The following TPTE2 variants were observed in gnomAD, a reference collection of about 807,000 sequenced individuals.
The protein encoded by TPTE2 is transmembrane phosphoinositide 3-phosphatase and tensin homolog 2, also known as phosphatidylinositol 3,4,5-trisphosphate 3-phosphatase TPTE2.
In TPTE2, 53 loss-of-function variants were observed where a neutral mutation model predicts 78.6. The observed-to-expected ratio is 0.67, with a 90% CI of 0.54 to 0.85. The LOEUF is 0.85. Among genes scored for constraint, TPTE2 ranks in the 40% least tolerant of loss-of-function variants. The pLI, the probability that TPTE2 is intolerant of heterozygous loss-of-function variation, is 0.00. For synonymous variants in TPTE2, 175 were observed against 206.2 expected (o/e 0.85, Z 1.30); for missense variants, 461 against 623.0 (o/e 0.74, Z 2.77).
chr13:19,496,272 T>C (rs1881306605), intron 1 of TPTE2, among the ~76,000 whole-genome samples: 1 of 152,256 alleles, frequency 6.6e-6, no homozygotes, highest in African/African-American at 2.4e-5. Flanking sequence ...TCATACTTTA[T>C]ATGACTGCAA....
At chr13:19,560,753 G>A in the TPTE2 span, 1 of 1,476,806 alleles carries the variant, frequency 6.8e-7, no homozygotes, top group Non-Finnish European at 9.3e-7. Flanking sequence ...GGCCCAGCAG[G>A]GAAGGCGCCC....
At chr13:19,485,020 T>G (rs1224095671) in intron 3 of TPTE2, among the ~76,000 whole-genome samples, 2 of 152,186 alleles carry the variant, frequency 1.3e-5, no homozygotes, top group Non-Finnish European at 2.9e-5. Context: ...CAACATTTTA[T>G]TGTTTTCTGG....
chr13:19,443,229 GTTTACCAGTTAA>G (rs1375024038), intron 13 of TPTE2, among the ~76,000 whole-genome samples: 1 of 151,086 alleles, frequency 6.6e-6, no homozygotes, highest in Admixed American at 6.6e-5. Flanking sequence ...AAACATGTTG[GTTTACCAGTTAA>G]TCAATGTAAT....
At chr13:19,451,208 T>C (rs1878158420) in exon 11 of TPTE2, 1 of 1,613,538 alleles carries the variant, frequency 6.2e-7, no homozygotes, top group South Asian at 1.1e-5. Flanking sequence ...GTTTCTTATC[T>C]AGAAACCGCA....
chr13:19,532,209 T>C (rs1870927678), intron 1 of TPTE2, among the ~76,000 whole-genome samples: 1 of 152,192 alleles, frequency 6.6e-6, no homozygotes, highest in African/African-American at 2.4e-5. Flanking sequence ...ACAGTCTGAT[T>C]AAATGCTTGT....
intron 10 of TPTE2, among the ~76,000 whole-genome samples, chr13:19,460,218 G>A (rs867129829): frequency 2.6e-5 from 4 of 152,188 alleles, no homozygotes; most frequent in Non-Finnish European, 4.4e-5. Flanking sequence ...GGGATCTCTT[G>A]ATCCATGGCT....
In TPTE2 at chr13:19,453,538, C is replaced by CATATATATATATATATATATAT. The variant is rs56140648; in HGVS notation, c.742-2335_742-2314dup. Among the ~76,000 whole-genome samples, 97 of 140,138 alleles carry CATATATATATATATATATATAT rather than the reference C, an allele frequency of 6.9e-4. 1 individual carries two copies. The highest frequency in any genetic ancestry group is 2.2e-3 in the African/African-American group (78 of 34,890). 91.9% of individuals were successfully genotyped at this position (140,138 alleles called of 152,430 possible). A position where few individuals can be genotyped will look rare whatever the true frequency, so the allele number is the denominator to read the frequency against. On this transcript the variant is annotated intron_variant, in intron 10 of 19. Coordinates refer to ENST00000400230, the Ensembl canonical transcript of TPTE2. ...TGATATATATATATCATTTTATAATCATATATATATATATATATATATATA... is the reference window on the plus strand; with the variant it reads ...TGATATATATATATCATTTTATAATCATATATATATATATATATATATATATATATATATATATATATATATA...
chr13:19,435,266 T>A (rs1286556388), intron 15 of TPTE2, among the ~76,000 whole-genome samples: 2 of 152,202 alleles, frequency 1.3e-5, no homozygotes, highest in Admixed American at 6.5e-5. Flanking sequence ...TATGAAGGAT[T>A]TTTAAGGTAT....
exon 8 of TPTE2, chr13:19,465,510 A>G (rs1231558076): frequency 6.2e-7 from 1 of 1,610,718 alleles, no homozygotes; most frequent in Admixed American, 1.7e-5. Flanking sequence ...GATGAAGCAG[A>G]TGAAAAATTC....
chr13:19,438,275 C>T, intron 13 of TPTE2, 122 bp from the exon 17 acceptor site: 1 of 1,377,530 alleles, frequency 7.3e-7, no homozygotes, highest in Non-Finnish European at 9.5e-7. Flanking sequence ...CTTGCTGTGT[C>T]ACGCAGGCTG....
chr13:19,479,772 G>A (rs1231125680), intron 4 of TPTE2, among the ~76,000 whole-genome samples: 9 of 152,124 alleles, frequency 5.9e-5, no homozygotes, highest in Middle Eastern at 3.4e-3. Flanking sequence ...GACCATCCTG[G>A]CCAACATGGT....
At chr13:19,538,208 T>C (rs1177552737), upstream of TPTE2, among the ~76,000 whole-genome samples, 1 of 152,146 alleles carries the variant, frequency 6.6e-6, no homozygotes, top group Non-Finnish European at 1.5e-5. Context: ...TATTCTCCTG[T>C]ATTTTGCTTC....
intron 1 of TPTE2, among the ~76,000 whole-genome samples, chr13:19,510,095 A>T (rs1228525127): frequency 6.6e-6 from 1 of 152,224 alleles, no homozygotes; most frequent in Non-Finnish European, 1.5e-5. Context: ...AGAATGAAGA[A>T]CAACAATGCC....
the TPTE2 span, chr13:19,560,962 G>A: frequency 1.3e-6 from 2 of 1,594,824 alleles, no homozygotes; most frequent in South Asian, 2.3e-5. Context: ...AGAAGGCTTT[G>A]CAGTCCTCAC....
In TPTE2 at chr13:19,467,594, T is replaced by A. The variant is rs1471032463; in HGVS notation, c.393-250A>T. Among the ~76,000 whole-genome samples, 3 of 152,266 alleles carry A rather than the reference T, an allele frequency of 2.0e-5. No individual in the cohort carries two copies. The South Asian group carries it at 6.2e-4, about 32-fold the overall frequency. The stretch of plus-strand genomic sequence containing the variant: ...CACCAACATGGCAATTCAAACATAA[T>A]AAGAGATATAACTAAATGTGTAATA... On this transcript the variant is annotated intron_variant, in intron 6 of 19. Transcript: ENST00000400230.
intron 5 of TPTE2, 45 bp downstream of exon 8, chr13:19,475,528 G>A: frequency 6.3e-7 from 1 of 1,595,842 alleles, no homozygotes; most frequent in Non-Finnish European, 8.5e-7. Flanking sequence ...ACCCAGCCAA[G>A]TCTCAGATAT....
the TPTE2 span, among the ~76,000 whole-genome samples, chr13:19,559,627 G>A: frequency 6.6e-6 from 1 of 151,664 alleles, no homozygotes; most frequent in Non-Finnish European, 1.5e-5. Context: ...GCTCTGAAGA[G>A]GGGGTAGGAT....
intron 4 of TPTE2, among the ~76,000 whole-genome samples, chr13:19,477,195 A>G (rs1456845457): frequency 1.3e-5 from 2 of 152,030 alleles, no homozygotes; most frequent in Non-Finnish European, 2.9e-5. Flanking sequence ...GGAAATAGAC[A>G]CTGGGGTCTA....
the TPTE2 span, among the ~76,000 whole-genome samples, chr13:19,558,449 T>C: frequency 6.6e-6 from 1 of 152,194 alleles, no homozygotes; most frequent in Non-Finnish European, 1.5e-5. Flanking sequence ...CATTGAGCAA[T>C]TTCAAACAGA....
Sources: gnomAD v4.1 joint callset for allele counts (sites outside exome capture counted in the v4.1 genomes callset) on GRCh38, gnomAD v4.1.1 for gene constraint, MANE v1.5 for transcripts, NCBI Gene and HGNC (gene_info 2026-07-23, HGNC 2026-07-21) for gene names.